Variants in SNX1 observed in about 807,000 individuals in gnomAD.
SNX1 encodes the protein sorting nexin 1, also known as sorting nexin-1.
Under a neutral mutation model 71.8 loss-of-function variants are expected in SNX1, and 36 were observed. The observed-to-expected ratio is 0.50, with a 90% CI of 0.38 to 0.66. The LOEUF (loss-of-function observed/expected upper bound fraction) is 0.66. Ranked by LOEUF, SNX1 falls within the 30% of genes least tolerant of loss-of-function variation. The pLI is 0.00. For synonymous variants in SNX1, 254 were observed against 240.7 expected (o/e 1.06, Z -0.51); for missense variants, 612 against 646.7 (o/e 0.95, Z 0.58).
chr15:64,112,619 A>G lies in SNX1; in HGVS notation c.206A>G (p.Asn69Ser), dbSNP rs781539376. 5.6e-6 allele frequency: 9 copies of G among 1,613,722 alleles called. No homozygotes were observed. Among genetic ancestry groups the G allele is most frequent in the Middle Eastern group, 1.6e-4 (1 of 6,062 alleles). Residue 69 changes from asparagine to serine, a missense_variant, in exon 2 of 15, where the codon AAC (asparagine) becomes AGC (serine). By Grantham distance (46) the Asn-to-Ser change is conservative. This residue lies in a region of SNX1 where 316 missense variants were observed against 284.9 expected (regional missense o/e 1.11). Transcript: ENST00000559844. Reference sequence around the variant, plus strand: ...ATAACTACATCCCTTCTTCCCATCAACAATGGCTCCAAAGAAAATGGGATC... The same window carrying G: ...ATAACTACATCCCTTCTTCCCATCAGCAATGGCTCCAAAGAAAATGGGATC... ...PKITTSLLPI[N>S]NGSKENGIHE...
rs566330974 is a variant in SNX1, at chr15:64,134,900, G to A, written c.1365+93G>A. The A allele has an allele frequency of 2.0e-6, 3 of 1,507,076 alleles. No individual in the cohort carries two copies. Among genetic ancestry groups the A allele is most frequent in the Non-Finnish European group, 2.7e-6 (3 of 1,115,042 alleles). 93.4% of individuals were successfully genotyped at this position (1,507,076 alleles called of 1,614,324 possible). A position where few individuals can be genotyped will look rare whatever the true frequency, so the allele number is the denominator to read the frequency against. On this transcript the variant is annotated intron_variant, in intron 12 of 14. Transcript: ENST00000559844. This position sits in a 1 kb window ranked among gnomAD's most constrained non-coding sequence, Gnocchi z 4.1. ...ACCCAGAGGTTTGGAACCCCACAGG[G>A]GGAAGAGCGCTGATTGAGTCTAAAG...
chr15:64,126,197 C>CA lies in SNX1; in HGVS notation c.629_630insA (p.Pro211AlafsTer26). 1 of 1,614,018 alleles carries CA rather than the reference C, an allele frequency of 6.2e-7. No homozygotes were observed. The highest frequency in any genetic ancestry group is 8.5e-7 in the Non-Finnish European group (1 of 1,179,978). Reference sequence around the variant, plus strand: ...TCTCAGAATGGCTTCATTGTCCCTCCGCCCCCGGAGAAGAGCCTCATAGGT... The same window carrying CA: ...TCTCAGAATGGCTTCATTGTCCCTCCAGCCCCCGGAGAAGAGCCTCATAGGT... On this transcript the variant is annotated frameshift_variant, in exon 6 of 15. Transcript: ENST00000559844. LOFTEE classifies it high-confidence loss of function.
intron 1 of SNX1, among the ~76,000 whole-genome samples, chr15:64,096,871 G>A (rs2080908163): frequency 6.6e-6 from 1 of 152,220 alleles, no homozygotes; most frequent in Admixed American, 6.5e-5. Flanking sequence ...TAATGTTACC[G>A]GTAGGAGGCC....
chr15:64,101,388 T>G (rs2080959740), intron 1 of SNX1, among the ~76,000 whole-genome samples: 1 of 152,250 alleles, frequency 6.6e-6, no homozygotes, highest in Admixed American at 6.5e-5. Flanking sequence ...ACTGGCTTAT[T>G]TTACTTAGCA....
rs758857181 is a variant in SNX1 at position 64,096,022 on chromosome 15, G to GGGT, written c.18_20dup (p.Gly7dup). 1 of 1,596,044 alleles carries GGGT rather than the reference G, an allele frequency of 6.3e-7. No homozygotes were observed. Among genetic ancestry groups the GGGT allele is most frequent in the South Asian group, 1.1e-5 (1 of 88,816 alleles). On this transcript the variant is annotated inframe_insertion, in exon 1 of 15. Transcript: ENST00000559844. The stretch of plus-strand genomic sequence containing the variant: ...GCCGCGGGTGGAAGAAGATGGCGTC[G>GGGT]GGTGGTGGTGGCTGTAGCGCTTCGG...
At chr15:64,115,563 CT>C (rs5813279) in intron 2 of SNX1, 128,686 of 323,104 alleles carry the variant, frequency 0.4, 12,359 homozygotes, top group Non-Finnish European at 0.45. Context: ...CTTCAAAAGG[CT>C]TTTTTTTTTT....
Position 64,127,860 on chromosome 15 carries a change from C to T in SNX1, c.807+54C>T, listed in dbSNP as rs62024175. On this transcript the variant is annotated intron_variant, in intron 8 of 14. Transcript: ENST00000559844. Reference sequence around the variant, plus strand: ...TAATTTATATCTGCCCCTAGTGAAACGAAACTAGTTCATTCCAAAAATATG... The same window carrying T: ...TAATTTATATCTGCCCCTAGTGAAATGAAACTAGTTCATTCCAAAAATATG... 24,117 of 1,374,024 alleles carry T rather than the reference C, an allele frequency of 0.018. 2,405 individuals carry two copies. In the African/African-American group the frequency reaches 0.25, roughly 14 times the overall value. 85.1% of individuals were successfully genotyped at this position (1,374,024 alleles called of 1,614,324 possible). A position where few individuals can be genotyped will look rare whatever the true frequency, so the allele number is the denominator to read the frequency against.
At chr15:64,122,268 CTT>C (rs67624010) in intron 4 of SNX1, among the ~76,000 whole-genome samples, 6 of 143,608 alleles carry the variant, frequency 4.2e-5, no homozygotes, top group African/African-American at 1.5e-4. Context: ...ACTTAGATTT[CTT>C]TTTTTTTTTT....
At chr15:64,136,176 G>A (rs1180574791) in intron 12 of SNX1, among the ~76,000 whole-genome samples, 154 bp from the exon 13 acceptor site, 5 of 152,106 alleles carry the variant, frequency 3.3e-5, no homozygotes, top group Non-Finnish European at 5.9e-5. Context: ...TCTGACTTAC[G>A]TGTGGAATCC....
At chr15:64,126,049 A>C (rs746387529) in intron 5 of SNX1, 30 bp from the exon 6 acceptor site, 69 of 1,613,284 alleles carry the variant, frequency 4.3e-5, no homozygotes, top group Non-Finnish European at 5.3e-5. Flanking sequence ...TTTGGAATGA[A>C]ATTGCCTTGT....
intron 1 of SNX1, among the ~76,000 whole-genome samples, chr15:64,110,291 A>G (rs774806350): frequency 9.2e-5 from 14 of 152,188 alleles, no homozygotes; most frequent in Non-Finnish European, 1.3e-4. Context: ...GCCATGTGTG[A>G]TTTTTGGGAT....
Position 64,142,667 on chromosome 15 carries a change from G to C in SNX1, c.*5049G>C, listed in dbSNP as rs903906662. On this transcript the variant is annotated 3_prime_UTR_variant, in exon 15 of 15. Coordinates refer to ENST00000559844, the MANE Select transcript of SNX1 (RefSeq NM_003099.5). ...TACCTATTTAAGCCAAGTTTTTTTAGATAAAAGGTATGGAACCTGCTTTCC... is the reference window on the plus strand; with the variant it reads ...TACCTATTTAAGCCAAGTTTTTTTACATAAAAGGTATGGAACCTGCTTTCC... 2.2e-6 allele frequency: 1 copy of C among 455,912 alleles called. No individual in the cohort carries two copies. The highest frequency in any genetic ancestry group is 2.0e-5 in the African/African-American group (1 of 50,048). The allele number at this position is 455,912 out of a possible 1,614,324, so 28.2% of individuals were successfully genotyped here.
intron 1 of SNX1, among the ~76,000 whole-genome samples, chr15:64,098,856 C>A (rs1192650282): frequency 6.6e-6 from 1 of 152,042 alleles, no homozygotes; most frequent in Admixed American, 6.6e-5. Context: ...TCAGAATGAC[C>A]TTGTTCTACT....
At position 64,134,659 on chromosome 15, in the gene SNX1, C is replaced by T. The variant is rs780140707; in HGVS notation, c.1222-5C>T. The T allele has an allele frequency of 3.7e-6, 6 of 1,608,640 alleles. No individual in the cohort carries two copies. The Admixed American group carries it at 1.0e-4, about 27-fold the overall frequency. ...TTGTGCTCCTCCTCAACCCCACCCC[C>T]ACAGGCTGCCTTCGACCAGCGCATG... is the stretch of plus-strand genomic sequence containing the variant. On this transcript the variant is annotated splice_polypyrimidine_tract_variant and splice_region_variant and intron_variant, in intron 11 of 14. Transcript: ENST00000559844. This position sits in a 1 kb window ranked among gnomAD's most constrained non-coding sequence, Gnocchi z 4.1.
intron 1 of SNX1, 129 bp from the exon 2 acceptor site, chr15:64,112,444 A>G: frequency 1.7e-6 from 1 of 599,518 alleles, no homozygotes; most frequent in Non-Finnish European, 3.0e-6. Context: ...TATTTTACTA[A>G]TAACGATTTG....
intron 4 of SNX1, among the ~76,000 whole-genome samples, 155 bp downstream of exon 4, chr15:64,119,009 T>C (rs1316479990): frequency 6.6e-6 from 1 of 151,946 alleles, no homozygotes; most frequent in Admixed American, 6.5e-5. Flanking sequence ...GCTATGTTTC[T>C]AAGGCCAGAG....
Position 64,134,897 on chromosome 15 carries a change from A to G in SNX1, c.1365+90A>G, listed in dbSNP as rs548198082. The G allele has an allele frequency of 1.3e-6, 2 of 1,514,414 alleles. No homozygotes were observed. Among genetic ancestry groups the G allele is most frequent in the East Asian group, 2.4e-5 (1 of 41,480 alleles). The allele number at this position is 1,514,414 out of a possible 1,614,324, so 93.8% of individuals were successfully genotyped here. A position where few individuals can be genotyped will look rare whatever the true frequency, so the allele number is the denominator to read the frequency against. On this transcript the variant is annotated intron_variant, in intron 12 of 14. Transcript: ENST00000559844. The surrounding 1 kb of genome is among the most constrained non-coding windows in gnomAD (Gnocchi z 4.1). ...CCCACCCAGAGGTTTGGAACCCCAC[A>G]GGGGGAAGAGCGCTGATTGAGTCTA...
Position 64,140,947 on chromosome 15 carries a change from A to G in SNX1, c.*3329A>G, listed in dbSNP as rs1436891103. 7.3e-6 allele frequency: 1 copy of G among 136,234 alleles called. No individual in the cohort carries two copies. Among genetic ancestry groups the G allele is most frequent in the African/African-American group, 2.8e-5 (1 of 35,334 alleles). 8.4% of individuals were successfully genotyped at this position (136,234 alleles called of 1,614,324 possible). ...ATGTGCTGCTTGTTACTGGAATGTC[A>G]TTGCCTCTAGGCTCTCACCATACAG... On this transcript the variant is annotated 3_prime_UTR_variant, in exon 15 of 15. Coordinates refer to ENST00000559844, the MANE Select transcript of SNX1 (RefSeq NM_003099.5).
rs2081336161 is a variant in SNX1 at position 64,134,384 on chromosome 15, A to G, written c.1222-280A>G. The G allele has an allele frequency of 7.2e-6, 3 of 413,820 alleles. No homozygotes were observed. In the South Asian group the frequency reaches 1.0e-4, roughly 14 times the overall value. 25.6% of individuals were successfully genotyped at this position (413,820 alleles called of 1,614,324 possible). ...GGGAGGCACTTCTGTAAGCCATAGT[A>G]TTGGTCACTGGCATGAGGCCACCTA... On this transcript the variant is annotated intron_variant, in intron 11 of 14. Coordinates refer to ENST00000559844, the MANE Select transcript of SNX1 (RefSeq NM_003099.5). This position sits in a 1 kb window ranked among gnomAD's most constrained non-coding sequence, Gnocchi z 4.1.
Sources: allele counts gnomAD v4.1 joint callset (sites outside exome capture counted in the v4.1 genomes callset), GRCh38; gene constraint gnomAD v4.1.1; regional missense constraint gnomAD v4.1.1; non-coding constraint Gnocchi (gnomAD v3.1); transcripts MANE v1.5; gene names NCBI Gene and HGNC (gene_info 2026-07-23, HGNC 2026-07-21).